ADARB2: variants seen among roughly 807,000 people sequenced by gnomAD.
The protein encoded by ADARB2 is inactive double-stranded RNA-specific editase B2.
ADARB2 carries 25 observed loss-of-function variants against 62.2 expected under a neutral mutation model. That is an observed-to-expected ratio of 0.40 (90% CI 0.29 to 0.56). The LOEUF is 0.56. Ranked by LOEUF, ADARB2 falls within the 20% of genes least tolerant of loss-of-function variation. The pLI, the probability that ADARB2 is intolerant of heterozygous loss-of-function variation, is 0.43. For synonymous variants in ADARB2, 572 were observed against 500.8 expected (o/e 1.14, Z -1.90); for missense variants, 1,071 against 1,077.4 (o/e 0.99, Z 0.08).
intron 1 of ADARB2, among the ~76,000 whole-genome samples, chr10:1,571,251 T>C (rs943329486): frequency 6.6e-6 from 1 of 152,082 alleles, no homozygotes; most frequent in African/African-American, 2.4e-5. Context: ...TCATACTGTA[T>C]ACTTTTAGAA....
chr10:1,575,523 G>A (rs1047227124), intron 1 of ADARB2, among the ~76,000 whole-genome samples: 2 of 152,148 alleles, frequency 1.3e-5, no homozygotes, highest in South Asian at 2.1e-4. Flanking sequence ...CAGCACTGCC[G>A]GGTCAGAGGG....
intron 1 of ADARB2, among the ~76,000 whole-genome samples, chr10:1,595,023 G>A (rs903394882): frequency 6.6e-6 from 1 of 152,190 alleles, no homozygotes; most frequent in Non-Finnish European, 1.5e-5. Flanking sequence ...TCAGGGGCTT[G>A]GTGGCTCATT....
intron 1 of ADARB2, among the ~76,000 whole-genome samples, chr10:1,554,889 CT>C (rs1209384186): frequency 1.3e-5 from 2 of 152,156 alleles, no homozygotes; most frequent in African/African-American, 4.8e-5. Context: ...CCCTGTCCCC[CT>C]GCCCCCTCCC....
At chr10:1,537,639 G>A (rs1472018178) in intron 1 of ADARB2, among the ~76,000 whole-genome samples, 2 of 152,154 alleles carry the variant, frequency 1.3e-5, no homozygotes, top group African/African-American at 4.8e-5. Context: ...GCCATAAAAA[G>A]GAAGGAGCTC....
At chr10:1,665,621 C>T (rs1834306542) in intron 1 of ADARB2, among the ~76,000 whole-genome samples, 1 of 152,268 alleles carries the variant, frequency 6.6e-6, no homozygotes. Context: ...AAGCAATCGT[C>T]TACTGGGAGG....
chr10:1,737,327 T>C lies in ADARB2; in HGVS notation c.-177A>G, dbSNP rs1342446310. On this transcript the variant is annotated 5_prime_UTR_variant, in exon 1 of 10. Coordinates refer to ENST00000381312, the MANE Select transcript of ADARB2 (RefSeq NM_018702.4). ...CGTCTCTCTGTCTCTCGAATTGTTC[T>C]CTATGACTTGCTCCCACTGGGCTGG... The C allele has an allele frequency of 4.8e-6, 3 of 627,652 alleles. No individual in the cohort carries two copies. Among genetic ancestry groups the C allele is most frequent in the Non-Finnish European group, 8.3e-6 (3 of 363,488 alleles). 38.9% of individuals were successfully genotyped at this position (627,652 alleles called of 1,614,324 possible). A position where few individuals can be genotyped will look rare whatever the true frequency, so the allele number is the denominator to read the frequency against.
chr10:1,545,369 C>A (rs1401277603), intron 1 of ADARB2, among the ~76,000 whole-genome samples: 1 of 152,138 alleles, frequency 6.6e-6, no homozygotes, highest in Non-Finnish European at 1.5e-5. Context: ...TCAGTGTGAT[C>A]TGAACATTTG....
At chr10:1,688,911 CA>C (rs1241601906) in intron 1 of ADARB2, among the ~76,000 whole-genome samples, 1 of 152,010 alleles carries the variant, frequency 6.6e-6, no homozygotes. Flanking sequence ...GATTACAAAC[CA>C]AAAAACATTT....
chr10:1,183,134 C>CA lies in ADARB2; in HGVS notation c.*58dup. ...CCGGCCGACCCGCCACGTCGCCCCC[C>CA]AGACACGGTCCCATCCCTCCAGCGT... On this transcript the variant is annotated 3_prime_UTR_variant, in exon 10 of 10. Coordinates refer to ENST00000381312, the MANE Select transcript of ADARB2 (RefSeq NM_018702.4). 1 of 1,571,268 alleles carries CA rather than the reference C, an allele frequency of 6.4e-7. No individual in the cohort carries two copies. The highest frequency in any genetic ancestry group is 2.3e-5 in the East Asian group (1 of 44,076).
intron 6 of ADARB2, among the ~76,000 whole-genome samples, chr10:1,231,948 G>C (rs750290278): frequency 1.3e-5 from 2 of 152,200 alleles, no homozygotes; most frequent in South Asian, 4.1e-4. Context: ...GAGGCTGCAT[G>C]ACAAGCCTGA....
At chr10:1,504,573 C>T (rs1362096679) in intron 1 of ADARB2, among the ~76,000 whole-genome samples, 3 of 152,316 alleles carry the variant, frequency 2.0e-5, no homozygotes, top group East Asian at 3.9e-4. Flanking sequence ...TGGACGTTCA[C>T]ATGGAGCTCC....
chr10:1,205,275 A>G (rs10903406), intron 7 of ADARB2, among the ~76,000 whole-genome samples: 24,712 of 96,222 alleles, frequency 0.26, 2,320 homozygotes, highest in East Asian at 0.49. Flanking sequence ...TTTTAGGGCC[A>G]CCTAAAACAA....
At chr10:1,537,404 C>A (rs1427674650) in intron 1 of ADARB2, among the ~76,000 whole-genome samples, 2 of 152,234 alleles carry the variant, frequency 1.3e-5, no homozygotes, top group African/African-American at 2.4e-5. Context: ...GACAGTGCAA[C>A]AATTCCTCAA....
chr10:1,208,241 C>T (rs550943126), intron 7 of ADARB2, among the ~76,000 whole-genome samples: 1 of 152,344 alleles, frequency 6.6e-6, no homozygotes, highest in East Asian at 1.9e-4. Flanking sequence ...CTGCCAGTGC[C>T]AGCCTCCTAG....
At chr10:1,644,866 C>T (rs975614613) in intron 1 of ADARB2, among the ~76,000 whole-genome samples, 2 of 152,210 alleles carry the variant, frequency 1.3e-5, no homozygotes, top group Non-Finnish European at 2.9e-5. Flanking sequence ...AGATTTCACT[C>T]TCAAATAGTG....
intron 1 of ADARB2, among the ~76,000 whole-genome samples, chr10:1,626,448 C>T (rs569425712): frequency 1.3e-5 from 2 of 152,122 alleles, no homozygotes; most frequent in South Asian, 2.1e-4. Context: ...CCACGTCTGC[C>T]CACGCCTCAG....
At chr10:1,288,518 ACAGG>A (rs1353795766) in intron 3 of ADARB2, among the ~76,000 whole-genome samples, 4 of 152,238 alleles carry the variant, frequency 2.6e-5, no homozygotes, top group Non-Finnish European at 4.4e-5. Context: ...TGCCCAGCAC[ACAGG>A]CAGTAAGTTG....
At chr10:1,306,936 A>G (rs575595768) in intron 3 of ADARB2, among the ~76,000 whole-genome samples, 56 of 139,588 alleles carry the variant, frequency 4.0e-4, no homozygotes, top group African/African-American at 1.4e-3. Context: ...TCAATTCAAG[A>G]TGGATTAAAG....
At chr10:1,675,531 A>T in intron 1 of ADARB2, 1 of 961,892 alleles carries the variant, frequency 1.0e-6, no homozygotes, top group Non-Finnish European at 1.2e-6. Flanking sequence ...GATGTTCAGG[A>T]GGTTTGGGTT....
Sources: allele counts gnomAD v4.1 joint callset (sites outside exome capture counted in the v4.1 genomes callset), GRCh38; gene constraint gnomAD v4.1.1; transcripts MANE v1.5; gene names NCBI Gene and HGNC (gene_info 2026-07-23, HGNC 2026-07-21).